Variants in TSHZ2 observed in about 807,000 individuals in gnomAD.
TSHZ2 encodes the protein teashirt zinc finger homeobox 2.
Under a neutral mutation model 74.4 loss-of-function variants are expected in TSHZ2, and 21 were observed. That is an observed-to-expected ratio of 0.28 (90% CI 0.20 to 0.41). The LOEUF is 0.41. TSHZ2 is among the 10% of genes least tolerant of loss of function. TSHZ2 has a pLI of 1.00. For missense variants in TSHZ2, 1,244 were observed against 1,293.5 expected, an observed-to-expected ratio of 0.96 and a Z score of 0.59; for synonymous variants, 540 against 515.3, an observed-to-expected ratio of 1.05 and a Z score of -0.65.
chr20:53,193,107 C>T (rs1422039311), intron 1 of TSHZ2, among the ~76,000 whole-genome samples: 1 of 149,420 alleles, frequency 6.7e-6, no homozygotes, highest in South Asian at 2.1e-4. Flanking sequence ...CTACCTGTGT[C>T]GTCTGTATAG....
chr20:53,338,883 C>T (rs530746342), intron 2 of TSHZ2, among the ~76,000 whole-genome samples: 7 of 152,194 alleles, frequency 4.6e-5, no homozygotes, highest in Non-Finnish European at 8.8e-5. Context: ...GCCAGCACTG[C>T]GTCAGCGTTC....
At chr20:53,328,898 T>C (rs1307841419) in intron 2 of TSHZ2, among the ~76,000 whole-genome samples, 1 of 152,200 alleles carries the variant, frequency 6.6e-6, no homozygotes, top group South Asian at 2.1e-4. Flanking sequence ...GATAGATACT[T>C]TAGAAATGTT....
chr20:53,106,391 C>CTTTTTTT (rs71194458), intron 1 of TSHZ2, among the ~76,000 whole-genome samples: 1,113 of 58,984 alleles, frequency 0.019, 250 homozygotes, highest in East Asian at 0.038. Flanking sequence ...CTCACACTTT[C>CTTTTTTT]TTTTTTTTTT....
At chr20:53,133,445 A>G (rs1987160781) in intron 1 of TSHZ2, among the ~76,000 whole-genome samples, 1 of 152,214 alleles carries the variant, frequency 6.6e-6, no homozygotes, top group South Asian at 2.1e-4. Context: ...GGTAGGCATC[A>G]TCTTACCCCA....
chr20:53,387,827 G>A (rs1464745634), intron 2 of TSHZ2, among the ~76,000 whole-genome samples: 1 of 152,106 alleles, frequency 6.6e-6, no homozygotes, highest in Non-Finnish European at 1.5e-5. Context: ...TGGGCAGATT[G>A]TCTGAGCTCA....
intron 2 of TSHZ2, among the ~76,000 whole-genome samples, chr20:53,485,590 T>G (rs1478634979): frequency 6.6e-6 from 1 of 152,098 alleles, no homozygotes; most frequent in African/African-American, 2.4e-5. Flanking sequence ...ATGTCTGTAA[T>G]CCCAGCTACT....
At chr20:53,226,153 CACACACAT>C (rs1163679945) in intron 1 of TSHZ2, among the ~76,000 whole-genome samples, 2 of 123,132 alleles carry the variant, frequency 1.6e-5, no homozygotes, top group African/African-American at 6.4e-5. Flanking sequence ...CACACACACA[CACACACAT>C]GCACACAAAC....
intron 1 of TSHZ2, among the ~76,000 whole-genome samples, chr20:53,217,007 G>C (rs1160441586): frequency 6.6e-6 from 1 of 152,244 alleles, no homozygotes; most frequent in African/African-American, 2.4e-5. Flanking sequence ...GTTCCTGAGC[G>C]GGCCCGTTTG....
intron 1 of TSHZ2, among the ~76,000 whole-genome samples, chr20:53,043,768 C>G (rs188692909): frequency 2.0e-5 from 3 of 151,914 alleles, no homozygotes; most frequent in African/African-American, 4.8e-5. Context: ...TAATATAGGT[C>G]CCATCTCACA....
chr20:53,077,373 T>G (rs1047556917), intron 1 of TSHZ2, among the ~76,000 whole-genome samples: 3 of 148,852 alleles, frequency 2.0e-5, no homozygotes, highest in Non-Finnish European at 3.0e-5. Context: ...ATTGTGCCAC[T>G]GCACTGCAGC....
intron 2 of TSHZ2, among the ~76,000 whole-genome samples, chr20:53,459,692 G>C (rs1051725514): frequency 7.1e-6 from 1 of 141,746 alleles, no homozygotes; most frequent in African/African-American, 2.7e-5. Context: ...GCAGCGGCTG[G>C]TACCGGTTGT....
At chr20:53,226,426 C>T (rs962006117) in intron 1 of TSHZ2, among the ~76,000 whole-genome samples, 2 of 146,838 alleles carry the variant, frequency 1.4e-5, no homozygotes, top group Admixed American at 6.7e-5. Flanking sequence ...GTGTGTGGGT[C>T]GGTGTGTGTA....
intron 2 of TSHZ2, among the ~76,000 whole-genome samples, chr20:53,414,400 G>A (rs1370247747): frequency 1.3e-5 from 2 of 152,064 alleles, no homozygotes; most frequent in African/African-American, 2.4e-5. Flanking sequence ...CAGAAGGATT[G>A]CTTGAGCCCA....
chr20:53,194,280 C>G (rs768857018), intron 1 of TSHZ2, among the ~76,000 whole-genome samples: 2 of 152,188 alleles, frequency 1.3e-5, no homozygotes, highest in Admixed American at 6.5e-5. Context: ...GAGGCTCAAA[C>G]CCTGATTTGT....
At chr20:53,214,970 G>A (rs1989400243) in intron 1 of TSHZ2, among the ~76,000 whole-genome samples, 1 of 152,146 alleles carries the variant, frequency 6.6e-6, no homozygotes, top group Non-Finnish European at 1.5e-5. Context: ...GGGGAGATGA[G>A]GGAAGGGCCA....
intron 2 of TSHZ2, among the ~76,000 whole-genome samples, chr20:53,351,516 A>C (rs1484301500): frequency 6.6e-6 from 1 of 152,240 alleles, no homozygotes; most frequent in Non-Finnish European, 1.5e-5. Flanking sequence ...TTTGTCAAAA[A>C]AAGTTACATA....
intron 1 of TSHZ2, among the ~76,000 whole-genome samples, chr20:53,064,689 A>AACACAT (rs1555821098): frequency 6.6e-6 from 1 of 150,740 alleles, no homozygotes; most frequent in African/African-American, 2.4e-5. Context: ...TAGACAGAGA[A>AACACAT]ACACACACAC....
At chr20:53,170,050 G>C (rs1175086288) in intron 1 of TSHZ2, among the ~76,000 whole-genome samples, 2 of 152,162 alleles carry the variant, frequency 1.3e-5, no homozygotes, top group Non-Finnish European at 2.9e-5. Context: ...AATAACTACT[G>C]TTTGGAAAAC....
At chr20:53,162,170 T>C (rs1403746987) in intron 1 of TSHZ2, among the ~76,000 whole-genome samples, 1 of 152,212 alleles carries the variant, frequency 6.6e-6, no homozygotes, top group Non-Finnish European at 1.5e-5. Context: ...TATTCTTTTC[T>C]TCTCAATTTT....
Sources: allele counts gnomAD v4.1 joint callset (sites outside exome capture counted in the v4.1 genomes callset), GRCh38; gene constraint gnomAD v4.1.1; transcripts MANE v1.5; gene names NCBI Gene and HGNC (gene_info 2026-07-23, HGNC 2026-07-21).